Variants in WDR72 observed in about 807,000 individuals in gnomAD.
WDR72 encodes the protein WD repeat domain 72, also known as WD repeat-containing protein 72.
In WDR72, 120 loss-of-function variants were observed where a neutral mutation model predicts 124.2. The observed-to-expected ratio is 0.97, with a 90% CI of 0.83 to 1.12. The LOEUF is 1.12. Ranked by LOEUF, WDR72 falls within the 50% of genes most tolerant of loss-of-function variation. The probability of loss-of-function intolerance (pLI) is 0.00; values close to 1 mark genes in which losing one functional copy is unlikely to be tolerated. For missense variants in WDR72, 1,387 were observed against 1,278.8 expected (o/e 1.08, Z -1.29); for synonymous variants, 452 against 441.7 (o/e 1.02, Z -0.29).
At chr15:53,632,410 G>A (rs561289622) in intron 14 of WDR72, among the ~76,000 whole-genome samples, 2 of 152,196 alleles carry the variant, frequency 1.3e-5, no homozygotes, top group Admixed American at 1.3e-4. Context: ...ACACCTGGAT[G>A]TCCAAGCAGA....
At chr15:53,725,971 C>A (rs2018011833) in intron 2 of WDR72, among the ~76,000 whole-genome samples, 1 of 151,422 alleles carries the variant, frequency 6.6e-6, no homozygotes, top group Admixed American at 6.6e-5. Context: ...ACTTGGGAGG[C>A]TGAGGCAGTA....
intron 7 of WDR72, among the ~76,000 whole-genome samples, chr15:53,711,707 G>A (rs1472280881): frequency 1.3e-5 from 2 of 152,050 alleles, no homozygotes; most frequent in Non-Finnish European, 2.9e-5. Flanking sequence ...TCCAGAGTGT[G>A]TACACTAAAC....
intron 11 of WDR72, among the ~76,000 whole-genome samples, 200 bp from the exon 12 acceptor site, chr15:53,702,554 A>G (rs1461572286): frequency 6.6e-6 from 1 of 152,174 alleles, no homozygotes; most frequent in Non-Finnish European, 1.5e-5. Flanking sequence ...CTTTTGATGA[A>G]GCACTACAGT....
intron 18 of WDR72, among the ~76,000 whole-genome samples, chr15:53,542,790 T>C (rs1893218256): frequency 1.8e-5 from 1 of 55,962 alleles, no homozygotes; most frequent in Non-Finnish European, 3.4e-5. Flanking sequence ...AATAAAAGGA[T>C]GGAGGAAGAT....
intron 17 of WDR72, among the ~76,000 whole-genome samples, chr15:53,604,831 C>T (rs1044181015): frequency 5.9e-5 from 9 of 151,554 alleles, no homozygotes; most frequent in Non-Finnish European, 1.2e-4. Flanking sequence ...ATTAGAAAAT[C>T]AAAAATAACA....
chr15:53,622,436 C>T (rs1459210178), intron 14 of WDR72, among the ~76,000 whole-genome samples: 1 of 151,366 alleles, frequency 6.6e-6, no homozygotes, highest in Non-Finnish European at 1.5e-5. Context: ...CCATGGAATA[C>T]TACACAGCCA....
rs1290889953 is a variant in WDR72, at chr15:53,712,799, T to TAGA, written c.681_683dup (p.Leu229dup). 10 of 1,613,106 alleles carry TAGA rather than the reference T, an allele frequency of 6.2e-6. No homozygotes were observed. Among genetic ancestry groups the TAGA allele is most frequent in the Middle Eastern group, 1.6e-4 (1 of 6,076 alleles). On this transcript the variant is annotated inframe_insertion, in exon 7 of 20. Transcript: ENST00000360509. ...TCCAACATTTAGAAAATACCACCAATAGAAGTCTCTCAGTATATGTGCAAA... is the reference window on the plus strand; with the variant it reads ...TCCAACATTTAGAAAATACCACCAATAGAAGAAGTCTCTCAGTATATGTGCAAA...
At chr15:53,558,299 C>A (rs1371889708) in intron 18 of WDR72, among the ~76,000 whole-genome samples, 1 of 152,140 alleles carries the variant, frequency 6.6e-6, no homozygotes, top group East Asian at 1.9e-4. Context: ...TTTGCCTCGT[C>A]CTATCACCTG....
intron 13 of WDR72, among the ~76,000 whole-genome samples, chr15:53,690,336 C>T (rs967142017): frequency 6.6e-6 from 1 of 152,128 alleles, no homozygotes; most frequent in African/African-American, 2.4e-5. Context: ...GCATTTAGTG[C>T]ATTGACAATG....
chr15:53,545,158 A>T (rs905342883), intron 18 of WDR72, among the ~76,000 whole-genome samples: 1 of 151,008 alleles, frequency 6.6e-6, no homozygotes, highest in Non-Finnish European at 1.5e-5. Context: ...ATTGGAAAAA[A>T]CTACTTTAAA....
intron 19 of WDR72, among the ~76,000 whole-genome samples, chr15:53,520,256 A>G (rs925819743): frequency 2.0e-5 from 3 of 152,096 alleles, no homozygotes; most frequent in African/African-American, 7.2e-5. Flanking sequence ...TTCATTTTCT[A>G]TATGCTGTTC....
At chr15:53,559,332 G>GA (rs977109806) in intron 18 of WDR72, among the ~76,000 whole-genome samples, 1 of 151,834 alleles carries the variant, frequency 6.6e-6, no homozygotes, top group Admixed American at 6.6e-5. Context: ...GAAAGTTTAA[G>GA]AAAAAACATG....
At chr15:53,625,897 A>G (rs2014186514) in intron 14 of WDR72, among the ~76,000 whole-genome samples, 1 of 152,150 alleles carries the variant, frequency 6.6e-6, no homozygotes, top group Non-Finnish European at 1.5e-5. Flanking sequence ...CCTTCAGCCT[A>G]CTATGTTCTT....
At chr15:53,632,749 G>A (rs534946359) in intron 14 of WDR72, among the ~76,000 whole-genome samples, 6 of 152,352 alleles carry the variant, frequency 3.9e-5, no homozygotes, top group African/African-American at 1.4e-4. Flanking sequence ...GGAGTCAAAG[G>A]AGATTATTTT....
intron 18 of WDR72, among the ~76,000 whole-genome samples, chr15:53,579,152 T>G (rs1278803862): frequency 6.6e-6 from 1 of 152,086 alleles, no homozygotes; most frequent in East Asian, 1.9e-4. Flanking sequence ...TATGGTCACC[T>G]TGTGAAACTG....
At chr15:53,519,578 T>C (rs908567371) in intron 19 of WDR72, among the ~76,000 whole-genome samples, 1 of 152,118 alleles carries the variant, frequency 6.6e-6, no homozygotes, top group Non-Finnish European at 1.5e-5. Context: ...TAATGAATTA[T>C]TCCGAAGACA....
At chr15:53,573,018 T>C (rs1894607257) in intron 18 of WDR72, among the ~76,000 whole-genome samples, 1 of 152,158 alleles carries the variant, frequency 6.6e-6, no homozygotes, top group African/African-American at 2.4e-5. Flanking sequence ...TGGGAGGAGG[T>C]AGAGGTATCA....
intron 1 of WDR72, among the ~76,000 whole-genome samples, chr15:53,734,267 T>A (rs545373095): frequency 2.0e-5 from 3 of 152,186 alleles, no homozygotes; most frequent in Non-Finnish European, 4.4e-5. Context: ...CCATTTTCAC[T>A]TCTTAGGTCA....
intron 11 of WDR72, among the ~76,000 whole-genome samples, chr15:53,703,119 G>T (rs1173352823): frequency 2.0e-5 from 3 of 151,954 alleles, no homozygotes; most frequent in Non-Finnish European, 2.9e-5. Context: ...TCACCATAAT[G>T]CTCACACTGG....
Sources: allele counts gnomAD v4.1 joint callset (sites outside exome capture counted in the v4.1 genomes callset), GRCh38; gene constraint gnomAD v4.1.1; transcripts MANE v1.5; gene names NCBI Gene and HGNC (gene_info 2026-07-23, HGNC 2026-07-21).